PDE10A: variants seen among roughly 807,000 people sequenced by gnomAD.
The protein encoded by PDE10A is cAMP and cAMP-inhibited cGMP 3',5'-cyclic phosphodiesterase 10A.
Under a neutral mutation model 97.7 loss-of-function variants are expected in PDE10A, and 39 were observed. The ratio of observed to expected loss-of-function variants is 0.40; its 90% CI spans 0.31 to 0.52. The LOEUF (loss-of-function observed/expected upper bound fraction) is 0.52. Among genes scored for constraint, PDE10A ranks in the 20% least tolerant of loss-of-function variants. The pLI, the probability that PDE10A is intolerant of heterozygous loss-of-function variation, is 0.56. For missense variants in PDE10A, 731 were observed against 1,047.8 expected (o/e 0.70, Z 4.17); for synonymous variants, 371 against 376.8 (o/e 0.98, Z 0.18).
chr6:165,675,179 G>A (rs965988269), intron 1 of PDE10A, among the ~76,000 whole-genome samples: 1 of 152,156 alleles, frequency 6.6e-6, no homozygotes, highest in Non-Finnish European at 1.5e-5. Flanking sequence ...TTGTTATTCT[G>A]AAAATAGGTA....
chr6:165,708,129 C>T (rs1442753572), intron 1 of PDE10A, among the ~76,000 whole-genome samples: 1 of 152,176 alleles, frequency 6.6e-6, no homozygotes, highest in Non-Finnish European at 1.5e-5. Context: ...CACTCCTGCC[C>T]TCGCATTGGA....
intron 1 of PDE10A, among the ~76,000 whole-genome samples, chr6:165,592,373 T>C (rs996934855): frequency 6.6e-6 from 1 of 152,146 alleles, no homozygotes; most frequent in Non-Finnish European, 1.5e-5. Flanking sequence ...GGCAATACCA[T>C]TCAGGACATA....
chr6:165,485,483 A>AAAAG (rs1779859654), intron 2 of PDE10A, among the ~76,000 whole-genome samples: 1 of 151,694 alleles, frequency 6.6e-6, no homozygotes, highest in Non-Finnish European at 1.5e-5. Flanking sequence ...AAAAAAAAAA[A>AAAAG]AAAGACAAGT....
At chr6:165,336,780 A>AC (rs1781681851) in intron 20 of PDE10A, among the ~76,000 whole-genome samples, 1 of 150,522 alleles carries the variant, frequency 6.6e-6, no homozygotes, top group African/African-American at 2.4e-5. Context: ...AAAAAAAAAA[A>AC]TACCTACTGA....
intron 1 of PDE10A, among the ~76,000 whole-genome samples, chr6:165,630,542 A>T (rs1788581871): frequency 6.6e-6 from 1 of 152,152 alleles, no homozygotes; most frequent in South Asian, 2.1e-4. Flanking sequence ...AAGTAGAGAG[A>T]CTTGATGGAC....
chr6:165,352,664 T>G (rs1241773336), intron 18 of PDE10A, among the ~76,000 whole-genome samples: 1 of 146,972 alleles, frequency 6.8e-6, no homozygotes, highest in Non-Finnish European at 1.5e-5. Context: ...AAAAACACAA[T>G]GCATCTAGAC....
rs1019688567 is a variant in PDE10A, at chr6:165,712,632, T to C, written c.-614-169064A>G. 2.8e-3 allele frequency among the ~76,000 whole-genome samples: 4 copies of C among 1,424 alleles called. No homozygotes were observed. The East Asian group carries it at 0.091, about 32-fold the overall frequency. 0.9% of individuals were successfully genotyped at this position (1,424 alleles called of 152,430 possible). A position where few individuals can be genotyped will look rare whatever the true frequency, so the allele number is the denominator to read the frequency against. On this transcript the variant is annotated intron_variant, in intron 1 of 19. Transcript: ENST00000366882. Reference sequence around the variant, plus strand: ...ATGAGGAACGTTTCAACTTTCTTTCTTTTTTTTTTTTTTTTTTTTTTTTTT... The same window carrying C: ...ATGAGGAACGTTTCAACTTTCTTTCCTTTTTTTTTTTTTTTTTTTTTTTTT...
rs79740128 is a variant in PDE10A, at chr6:165,611,185, G to T, written c.865+50762C>A. The stretch of plus-strand genomic sequence containing the variant: ...AACAAAAAGTAATTTATTGACCCAT[G>T]AAGGAGTCACCTGGACCTGTGGCAA... On this transcript the variant is annotated intron_variant, in intron 1 of 21. Transcript: ENST00000539869. Among the ~76,000 whole-genome samples, 1,167 of 152,180 alleles carry T rather than the reference G, an allele frequency of 7.7e-3. 17 individuals carry two copies. The highest frequency in any genetic ancestry group is 0.027 in the African/African-American group (1,102 of 41,512).
chr6:165,549,191 A>G (rs758824922), intron 1 of PDE10A, among the ~76,000 whole-genome samples: 1 of 152,234 alleles, frequency 6.6e-6, no homozygotes, highest in Non-Finnish European at 1.5e-5. Context: ...AAATAGAAGT[A>G]TTTCAATTTC....
At chr6:165,987,410 A>T (rs1300827990) in intron 1 of PDE10A, 2 of 313,488 alleles carry the variant, frequency 6.4e-6, no homozygotes, top group Non-Finnish European at 1.2e-5. Flanking sequence ...ATTGCCAAAA[A>T]GGGTGGAGGG....
intron 1 of PDE10A, among the ~76,000 whole-genome samples, chr6:165,725,452 G>T (rs111482719): frequency 6.6e-6 from 1 of 152,268 alleles, no homozygotes; most frequent in African/African-American, 2.4e-5. Flanking sequence ...CTCCCCCTAG[G>T]GGTATGAGCA....
intron 8 of PDE10A, among the ~76,000 whole-genome samples, 161 bp downstream of exon 8, chr6:165,431,261 A>G (rs1256940054): frequency 1.3e-5 from 2 of 151,196 alleles, no homozygotes; most frequent in Non-Finnish European, 3.0e-5. Flanking sequence ...GGGAGTAAGT[A>G]AATATAACTG....
At chr6:165,526,814 A>G (rs479479) in intron 2 of PDE10A, among the ~76,000 whole-genome samples, 105,306 of 152,108 alleles carry the variant, frequency 0.69, 39,751 homozygotes, top group Non-Finnish European at 0.83. Flanking sequence ...GGCCCAGCAG[A>G]AGCAATCTGA....
intron 1 of PDE10A, among the ~76,000 whole-genome samples, chr6:165,906,084 CCCTCCCTTCCTTT>C (rs1782277474): frequency 5.6e-5 from 2 of 35,764 alleles, no homozygotes; most frequent in African/African-American, 1.4e-4. Context: ...CTTCCTCCCT[CCCTCCCTTCCTTT>C]CTTCCTTTCT....
chr6:165,953,556 A>G (rs1029464772), intron 1 of PDE10A, among the ~76,000 whole-genome samples: 3 of 151,518 alleles, frequency 2.0e-5, no homozygotes, highest in Non-Finnish European at 2.9e-5. Context: ...GTGCCACTGC[A>G]CTCCAGCCTG....
At chr6:165,620,093 C>T (rs145638556) in intron 1 of PDE10A, among the ~76,000 whole-genome samples, 1 of 152,090 alleles carries the variant, frequency 6.6e-6, no homozygotes, top group Non-Finnish European at 1.5e-5. Flanking sequence ...ACATGCTTCA[C>T]TCTTCTCCAT....
intron 10 of PDE10A, among the ~76,000 whole-genome samples, chr6:165,421,259 T>C (rs1305220595): frequency 6.6e-6 from 1 of 152,040 alleles, no homozygotes; most frequent in Non-Finnish European, 1.5e-5. Context: ...CTAGGCAACA[T>C]GGCGAGACCC....
chr6:165,833,152 G>A (rs763998055), intron 1 of PDE10A, among the ~76,000 whole-genome samples: 13 of 152,158 alleles, frequency 8.5e-5, no homozygotes, highest in South Asian at 2.1e-4. Flanking sequence ...ATGTCCCTGT[G>A]GCTTCTCTTC....
chr6:165,390,955 T>C (rs1785668462), intron 16 of PDE10A, among the ~76,000 whole-genome samples: 1 of 152,206 alleles, frequency 6.6e-6, no homozygotes, highest in Non-Finnish European at 1.5e-5. Flanking sequence ...GTTTCCATGT[T>C]ATATGCTGCT....
Sources: gnomAD v4.1 joint callset for allele counts (sites outside exome capture counted in the v4.1 genomes callset) on GRCh38, gnomAD v4.1.1 for gene constraint, MANE v1.5 for transcripts, NCBI Gene and HGNC (gene_info 2026-07-23, HGNC 2026-07-21) for gene names.